Variants in VAV2 observed in about 807,000 individuals in gnomAD.
The protein encoded by VAV2 is vav guanine nucleotide exchange factor 2.
A neutral mutation model predicts 132.5 loss-of-function variants in VAV2; 67 were observed. The observed-to-expected ratio is 0.51, with a 90% CI of 0.42 to 0.62. VAV2 has a LOEUF of 0.62. VAV2 is among the 20% of genes least tolerant of loss of function. VAV2 has a pLI of 0.00. For missense variants in VAV2, 938 were observed against 1,153.6 expected, an observed-to-expected ratio of 0.81 and a Z score of 2.71; for synonymous variants, 492 against 443.5, an observed-to-expected ratio of 1.11 and a Z score of -1.37.
At chr9:133,962,781 T>C (rs1163898781) in intron 1 of VAV2, among the ~76,000 whole-genome samples, 1 of 152,226 alleles carries the variant, frequency 6.6e-6, no homozygotes, top group Non-Finnish European at 1.5e-5. Flanking sequence ...TATCATTGTT[T>C]GATTTTGCAG....
intron 3 of VAV2, among the ~76,000 whole-genome samples, chr9:133,859,965 G>A (rs1358124364): frequency 2.0e-5 from 3 of 152,106 alleles, no homozygotes; most frequent in African/African-American, 7.2e-5. Flanking sequence ...TGCCCCAAAT[G>A]TGTTCTAAAT....
intron 2 of VAV2, among the ~76,000 whole-genome samples, chr9:133,881,159 G>T (rs1466012851): frequency 6.6e-6 from 1 of 152,256 alleles, no homozygotes; most frequent in Admixed American, 6.5e-5. Context: ...CTGGCCTTCA[G>T]GCTGCTGGGC....
At chr9:133,771,090 G>T (rs1324390437) in intron 26 of VAV2, among the ~76,000 whole-genome samples, 2 of 133,212 alleles carry the variant, frequency 1.5e-5, no homozygotes, top group Non-Finnish European at 1.6e-5. Flanking sequence ...TTGAGACAGA[G>T]TCTTACTCTG....
In VAV2 at chr9:133,837,916, G is replaced by T. The variant is rs530386976; in HGVS notation, c.381-3576C>A. On this transcript the variant is annotated intron_variant, in intron 3 of 29. Coordinates refer to ENST00000371850, the MANE Select transcript of VAV2 (RefSeq NM_001134398.2). ...AAAATCTTTACTACTTTTATTCTAAGATCCCTATTTGAGGCCACAAATCCC... is the reference window on the plus strand; with the variant it reads ...AAAATCTTTACTACTTTTATTCTAATATCCCTATTTGAGGCCACAAATCCC... Among the ~76,000 whole-genome samples, 3 of 152,100 alleles carry T rather than the reference G, an allele frequency of 2.0e-5. No homozygotes were observed. The South Asian group carries it at 6.2e-4, about 32-fold the overall frequency.
At chr9:133,985,208 T>C (rs1226907241) in intron 1 of VAV2, among the ~76,000 whole-genome samples, 1 of 150,028 alleles carries the variant, frequency 6.7e-6, no homozygotes, top group African/African-American at 2.5e-5. Flanking sequence ...TGAGCACACC[T>C]CATCCTATCT....
chr9:133,856,995 G>A (rs1012960040), intron 3 of VAV2, among the ~76,000 whole-genome samples: 1 of 152,164 alleles, frequency 6.6e-6, no homozygotes, highest in Admixed American at 6.5e-5. Flanking sequence ...GAGCAACCCC[G>A]CGAGGCAGAG....
chr9:133,830,851 G>A (rs569847201), intron 4 of VAV2, among the ~76,000 whole-genome samples: 10 of 152,182 alleles, frequency 6.6e-5, no homozygotes, highest in Middle Eastern at 3.4e-3. Context: ...AAAGGAGGAG[G>A]GGGAAAAACA....
intron 1 of VAV2, among the ~76,000 whole-genome samples, chr9:133,957,724 G>A (rs181861822): frequency 9.2e-5 from 14 of 152,312 alleles, no homozygotes; most frequent in African/African-American, 3.1e-4. Context: ...CCAAGTGACT[G>A]TCACAACCCG....
Position 133,768,332 on chromosome 9 carries a change from T to G in VAV2, c.2589+110A>C. 1 of 1,445,312 alleles carries G rather than the reference T, an allele frequency of 6.9e-7. No individual in the cohort carries two copies. The highest frequency in any genetic ancestry group is 9.2e-7 in the Non-Finnish European group (1 of 1,081,122). The allele number at this position is 1,445,312 out of a possible 1,614,324, so 89.5% of individuals were successfully genotyped here. Reference sequence around the variant, plus strand: ...GATGAGGGAGATTGCAGAGGGTGTCTGGAACAGGGCCTGGGGTGTGGACAT... The same window carrying G: ...GATGAGGGAGATTGCAGAGGGTGTCGGGAACAGGGCCTGGGGTGTGGACAT... On this transcript the variant is annotated intron_variant, in intron 29 of 29. Transcript: ENST00000371850. This position sits in a 1 kb window ranked among gnomAD's most constrained non-coding sequence, Gnocchi z 5.3.
intron 25 of VAV2, among the ~76,000 whole-genome samples, chr9:133,773,614 T>C (rs1392344408): frequency 6.6e-6 from 1 of 151,022 alleles, no homozygotes; most frequent in Non-Finnish European, 1.5e-5. Context: ...TATTTTATTC[T>C]TTGTATCCTT....
intron 1 of VAV2, among the ~76,000 whole-genome samples, chr9:133,985,225 A>AG (rs1842818403): frequency 1.1e-5 from 1 of 92,670 alleles, no homozygotes; most frequent in Non-Finnish European, 2.1e-5. Flanking sequence ...ATCTTGCCTT[A>AG]TTGTGTGTGT....
chr9:133,866,276 T>C (rs1050241883), intron 2 of VAV2, among the ~76,000 whole-genome samples: 1 of 152,336 alleles, frequency 6.6e-6, no homozygotes. Context: ...TGTTTTAGTT[T>C]GCATTATTTC....
intron 1 of VAV2, among the ~76,000 whole-genome samples, chr9:133,972,296 A>T (rs1353329026): frequency 6.6e-6 from 1 of 152,176 alleles, no homozygotes; most frequent in African/African-American, 2.4e-5. Context: ...CTAACTAAAC[A>T]GTCAGGAATT....
At chr9:133,972,189 G>A (rs1316576231) in intron 1 of VAV2, among the ~76,000 whole-genome samples, 1 of 152,190 alleles carries the variant, frequency 6.6e-6, no homozygotes, top group Non-Finnish European at 1.5e-5. Flanking sequence ...ACACATGACT[G>A]CTTCGAAAGG....
intron 2 of VAV2, among the ~76,000 whole-genome samples, chr9:133,881,131 G>C (rs537022044): frequency 6.6e-6 from 1 of 152,308 alleles, no homozygotes; most frequent in Admixed American, 6.5e-5. Flanking sequence ...CACAGGGCCC[G>C]AGGTGGTGGA....
At chr9:133,791,952 GGGTGTGTGTGC>G in intron 12 of VAV2, 83 bp from the exon 13 acceptor site, 1 of 338,064 alleles carries the variant, frequency 3.0e-6, no homozygotes, top group Non-Finnish European at 4.2e-6. Flanking sequence ...GTACTGGGTG[GGGTGTGTGTGC>G]ATGTGAGCGG....
chr9:133,844,276 G>A (rs1043083326), intron 3 of VAV2, among the ~76,000 whole-genome samples: 4 of 152,176 alleles, frequency 2.6e-5, no homozygotes, highest in Non-Finnish European at 4.4e-5. Context: ...GGCTGGCACC[G>A]GTTTGGAAGG....
At position 133,820,254 on chromosome 9, in the gene VAV2, C is replaced by T. The variant is rs77475836; in HGVS notation, c.450-8038G>A. Among the ~76,000 whole-genome samples, 932 of 152,300 alleles carry T rather than the reference C, an allele frequency of 6.1e-3. 18 individuals carry two copies. Among genetic ancestry groups the T allele is most frequent in the African/African-American group, 0.021 (886 of 41,562 alleles). ...ATAGCTCCTTTCCTTTGGCCATCAC[C>T]GACGTGGAAATGCCACTGCTACCTG... is the stretch of plus-strand genomic sequence containing the variant. On this transcript the variant is annotated intron_variant, in intron 4 of 29. Coordinates refer to ENST00000371850, the MANE Select transcript of VAV2 (RefSeq NM_001134398.2).
At chr9:133,790,429 A>G (rs1248895539) in intron 13 of VAV2, among the ~76,000 whole-genome samples, 1 of 152,162 alleles carries the variant, frequency 6.6e-6, no homozygotes. Flanking sequence ...CTTCCACCTC[A>G]GCCTCCCAGA....
Sources: gnomAD v4.1 joint callset for allele counts (sites outside exome capture counted in the v4.1 genomes callset) on GRCh38, gnomAD v4.1.1 for gene constraint, Gnocchi (gnomAD v3.1) non-coding constraint, MANE v1.5 for transcripts, NCBI Gene and HGNC (gene_info 2026-07-23, HGNC 2026-07-21) for gene names.